Variants in TNFSF4 observed in about 807,000 individuals in gnomAD.
TNFSF4 encodes the protein tumor necrosis factor ligand superfamily member 4.
Under a neutral mutation model 7.3 loss-of-function variants are expected in TNFSF4, and 4 were observed. That is an observed-to-expected ratio of 0.55 (90% CI 0.27 to 1.25). TNFSF4 has a LOEUF of 1.25. Ranked by LOEUF, TNFSF4 falls within the 50% of genes most tolerant of loss-of-function variation. TNFSF4 has a pLI of 0.12. For synonymous variants in TNFSF4, 76 were observed against 83.7 expected, an observed-to-expected ratio of 0.91 and a Z score of 0.50; for missense variants, 181 against 208.8, an observed-to-expected ratio of 0.87 and a Z score of 0.82.
At chr1:173,418,764 C>G in the TNFSF4 span, 2 of 152,144 alleles carry the variant, frequency 1.3e-5, no homozygotes, top group African/African-American at 4.8e-5. Context: ...TACACTGACT[C>G]ACAGATGTGT....
the TNFSF4 span, among the ~76,000 whole-genome samples, chr1:173,247,823 T>G: frequency 2.0e-5 from 3 of 152,194 alleles, no homozygotes; most frequent in Non-Finnish European, 4.4e-5. Flanking sequence ...CGTGATACAT[T>G]TATGAATAGT....
At chr1:173,227,757 T>C in the TNFSF4 span, among the ~76,000 whole-genome samples, 2 of 152,166 alleles carry the variant, frequency 1.3e-5, no homozygotes, top group Non-Finnish European at 2.9e-5. Flanking sequence ...GCTTTTCCAA[T>C]GGTCTTAGCA....
the TNFSF4 span, among the ~76,000 whole-genome samples, chr1:173,258,231 C>T: frequency 6.6e-6 from 1 of 151,964 alleles, no homozygotes; most frequent in African/African-American, 2.4e-5. Flanking sequence ...CAGAGGCTCC[C>T]ACCAAGAACA....
At chr1:173,300,129 AG>A in the TNFSF4 span, among the ~76,000 whole-genome samples, 1 of 130,050 alleles carries the variant, frequency 7.7e-6, no homozygotes, top group Non-Finnish European at 1.7e-5. Flanking sequence ...ATAGATAGAT[AG>A]ATAGATAGAT....
chr1:173,244,942 G>A, the TNFSF4 span, among the ~76,000 whole-genome samples: 1 of 151,778 alleles, frequency 6.6e-6, no homozygotes, highest in African/African-American at 2.4e-5. Context: ...ATTTTAGAAG[G>A]ACATTGATAG....
the TNFSF4 span, among the ~76,000 whole-genome samples, chr1:173,422,753 C>A: frequency 6.6e-6 from 1 of 152,168 alleles, no homozygotes; most frequent in South Asian, 2.1e-4. Flanking sequence ...GAAAACCAGT[C>A]AATTACCAAG....
chr1:173,219,357 TG>T, the TNFSF4 span, among the ~76,000 whole-genome samples: 2 of 152,220 alleles, frequency 1.3e-5, no homozygotes, highest in Admixed American at 1.3e-4. Context: ...TCACAACACC[TG>T]GTTTTCCCTG....
chr1:173,398,409 C>CTTTTTTTTTTTTTT, the TNFSF4 span, among the ~76,000 whole-genome samples: 230 of 101,522 alleles, frequency 2.3e-3, 1 homozygote, highest in Non-Finnish European at 2.7e-3. Context: ...TATTTCTTTT[C>CTTTTTTTTTTTTTT]TTTTTTTTTT....
At chr1:173,366,492 A>C in the TNFSF4 span, among the ~76,000 whole-genome samples, 1 of 152,128 alleles carries the variant, frequency 6.6e-6, no homozygotes, top group Non-Finnish European at 1.5e-5. Context: ...GGAGGGGTTG[A>C]AGGAAACAGG....
At chr1:173,271,178 T>C in the TNFSF4 span, among the ~76,000 whole-genome samples, 1 of 152,280 alleles carries the variant, frequency 6.6e-6, no homozygotes, top group South Asian at 2.1e-4. Context: ...TTGGCTTTTG[T>C]TGCCATTGCT....
chr1:173,363,329 T>A, the TNFSF4 span: 1 of 290,034 alleles, frequency 3.4e-6, no homozygotes, highest in South Asian at 3.7e-5. Flanking sequence ...CCTAAAAGAT[T>A]ACATTTATTT....
At chr1:173,327,133 T>C in the TNFSF4 span, among the ~76,000 whole-genome samples, 1 of 152,202 alleles carries the variant, frequency 6.6e-6, no homozygotes, top group Non-Finnish European at 1.5e-5. Flanking sequence ...AAGGCTATAG[T>C]AACCAAAACA....
At chr1:173,196,060 C>T (rs889461466) in intron 1 of TNFSF4, among the ~76,000 whole-genome samples, 4 of 152,114 alleles carry the variant, frequency 2.6e-5, no homozygotes, top group African/African-American at 4.8e-5. Flanking sequence ...ATTTTTCACT[C>T]TTAGCCACCA....
the TNFSF4 span, among the ~76,000 whole-genome samples, chr1:173,366,954 C>T: frequency 6.6e-6 from 1 of 152,138 alleles, no homozygotes; most frequent in African/African-American, 2.4e-5. Flanking sequence ...ATTCTGGGCC[C>T]TCGCTTTACA....
chr1:173,431,150 CTAAAG>C, the TNFSF4 span, among the ~76,000 whole-genome samples: 1 of 152,150 alleles, frequency 6.6e-6, no homozygotes, highest in Non-Finnish European at 1.5e-5. Context: ...TGTTGTAGAC[CTAAAG>C]TAAATGAATC....
chr1:173,211,515 C>T (rs926414700), upstream of TNFSF4, among the ~76,000 whole-genome samples: 1 of 152,182 alleles, frequency 6.6e-6, no homozygotes, highest in Non-Finnish European at 1.5e-5. Flanking sequence ...CTGCAGTCAG[C>T]TCTCCAAGCC....
chr1:173,321,080 A>T, the TNFSF4 span, among the ~76,000 whole-genome samples: 1 of 152,234 alleles, frequency 6.6e-6, no homozygotes, highest in Non-Finnish European at 1.5e-5. Flanking sequence ...TTCAAACTAT[A>T]CTACAAGGCT....
At chr1:173,389,262 A>C in the TNFSF4 span, among the ~76,000 whole-genome samples, 1 of 152,212 alleles carries the variant, frequency 6.6e-6, no homozygotes, top group Non-Finnish European at 1.5e-5. Context: ...GCAGTCAATG[A>C]CAGGGTAAGA....
At chr1:173,378,779 C>T in the TNFSF4 span, among the ~76,000 whole-genome samples, 1 of 152,138 alleles carries the variant, frequency 6.6e-6, no homozygotes, top group Admixed American at 6.5e-5. Context: ...CCCAGCCTCC[C>T]TATAGCTCCC....
Sources: allele counts gnomAD v4.1 joint callset (sites outside exome capture counted in the v4.1 genomes callset), GRCh38; gene constraint gnomAD v4.1.1; transcripts MANE v1.5; gene names NCBI Gene and HGNC (gene_info 2026-07-23, HGNC 2026-07-21).